NKAIN3: variants seen among roughly 807,000 people sequenced by gnomAD.
The protein encoded by NKAIN3 is sodium/potassium-transporting ATPase subunit beta-1-interacting protein 3.
In NKAIN3, 25 loss-of-function variants were observed where a neutral mutation model predicts 30.2. The observed-to-expected ratio is 0.83, with a 90% confidence interval of 0.60 to 1.16. NKAIN3 has a LOEUF of 1.16. NKAIN3 is among the 50% of genes most tolerant of loss of function. NKAIN3 has a pLI of 0.00. For missense variants in NKAIN3, 225 were observed against 254.1 expected (o/e 0.89, Z 0.78); for synonymous variants, 91 against 89.6 (o/e 1.02, Z -0.09).
At chr8:62,668,279 G>A (rs1020246827) in intron 3 of NKAIN3, among the ~76,000 whole-genome samples, 1 of 152,122 alleles carries the variant, frequency 6.6e-6, no homozygotes, top group African/African-American at 2.4e-5. Flanking sequence ...TGCATCCCCA[G>A]TGCCTAGAAC....
Position 62,898,447 on chromosome 8 carries a change from G to T in NKAIN3, c.472-20006G>T, listed in dbSNP as rs369439795. On this transcript the variant is annotated intron_variant, in intron 4 of 6. Transcript: ENST00000623646. ...ATGGAACTTGAGACCATTATTCAAA[G>T]TAATTCAGGAGTGAAAAACCAAATA... Among the ~76,000 whole-genome samples the T allele has an allele frequency of 2.0e-5, 3 of 152,208 alleles. No homozygotes were observed. The East Asian group carries it at 5.8e-4, about 29-fold the overall frequency.
chr8:62,858,179 TCA>T (rs772237273), intron 4 of NKAIN3, among the ~76,000 whole-genome samples: 2 of 152,162 alleles, frequency 1.3e-5, no homozygotes, highest in Non-Finnish European at 2.9e-5. Flanking sequence ...CCTGGAGGTA[TCA>T]CCACCGAAGT....
intron 3 of NKAIN3, among the ~76,000 whole-genome samples, chr8:62,607,880 T>C (rs1237086093): frequency 6.6e-6 from 1 of 152,174 alleles, no homozygotes; most frequent in African/African-American, 2.4e-5. Context: ...AATAGGCTTT[T>C]TGTATACGTT....
At chr8:62,941,183 C>T (rs1021307675) in intron 5 of NKAIN3, among the ~76,000 whole-genome samples, 2 of 151,952 alleles carry the variant, frequency 1.3e-5, no homozygotes, top group African/African-American at 4.8e-5. Context: ...ATATGCAACC[C>T]TCCTAGATTA....
At chr8:62,352,873 T>G (rs1480112214) in intron 1 of NKAIN3, among the ~76,000 whole-genome samples, 1 of 152,146 alleles carries the variant, frequency 6.6e-6, no homozygotes, top group East Asian at 1.9e-4. Context: ...GAAGAAATAT[T>G]AGGTACCACA....
intron 1 of NKAIN3, among the ~76,000 whole-genome samples, chr8:62,578,663 GTT>G (rs71255349): frequency 6.6e-6 from 1 of 151,448 alleles, no homozygotes; most frequent in Admixed American, 6.6e-5. Context: ...TTTGTTTTTT[GTT>G]TTTTTTCCAA....
intron 1 of NKAIN3, among the ~76,000 whole-genome samples, chr8:62,259,213 TAAAA>T (rs1393406269): frequency 6.6e-6 from 1 of 152,168 alleles, no homozygotes; most frequent in African/African-American, 2.4e-5. Context: ...AATGAGAAGT[TAAAA>T]AGAAAACCAC....
At chr8:62,646,624 C>A (rs1196730928) in intron 3 of NKAIN3, among the ~76,000 whole-genome samples, 1 of 152,070 alleles carries the variant, frequency 6.6e-6, no homozygotes. Flanking sequence ...GATTTCTTTG[C>A]AAATCTATTC....
At chr8:62,431,391 A>C (rs1358893193) in intron 1 of NKAIN3, among the ~76,000 whole-genome samples, 1 of 151,918 alleles carries the variant, frequency 6.6e-6, no homozygotes, top group Non-Finnish European at 1.5e-5. Context: ...TTGTTTTTAC[A>C]ATAAACATAT....
chr8:62,440,014 C>T (rs1406112536), intron 1 of NKAIN3, among the ~76,000 whole-genome samples: 1 of 152,136 alleles, frequency 6.6e-6, no homozygotes, highest in Non-Finnish European at 1.5e-5. Context: ...ATTCAGGACC[C>T]ACTTTTTCAT....
chr8:62,749,679 CTT>C lies in NKAIN3; in HGVS notation c.471+2569_471+2570del, dbSNP rs35908903. Among the ~76,000 whole-genome samples, 664 of 97,262 alleles carry C rather than the reference CTT, an allele frequency of 6.8e-3. 6 individuals carry two copies. The highest frequency in any genetic ancestry group is 9.5e-3 in the Non-Finnish European group (469 of 49,508). The allele number at this position is 97,262 out of a possible 152,430, so 63.8% of individuals were successfully genotyped here. ...TATTAGAATTGTGCTTTTTTCTTTT[CTT>C]TTTTTTTTTTTTTTTTTTAAGACGG... On this transcript the variant is annotated intron_variant, in intron 4 of 6. Transcript: ENST00000623646.
intron 3 of NKAIN3, among the ~76,000 whole-genome samples, chr8:62,689,097 A>G (rs1813884026): frequency 2.6e-5 from 4 of 152,202 alleles, no homozygotes. Context: ...GAGAAGGAAA[A>G]TAAGTTTTAA....
chr8:62,691,956 G>T (rs1229358183), intron 3 of NKAIN3, among the ~76,000 whole-genome samples: 1 of 152,220 alleles, frequency 6.6e-6, no homozygotes, highest in Non-Finnish European at 1.5e-5. Flanking sequence ...CTTCAGGTTA[G>T]GCAGGCAGCT....
In NKAIN3 at chr8:62,755,993, T is replaced by C. The variant is rs980617709; in HGVS notation, c.471+8864T>C. ...TTGGGGCCTGGAACTGTCCATTTAGTGAGCTGTGATTTTAAATCACTTCAT... is the reference window on the plus strand; with the variant it reads ...TTGGGGCCTGGAACTGTCCATTTAGCGAGCTGTGATTTTAAATCACTTCAT... On this transcript the variant is annotated intron_variant, in intron 4 of 6. Coordinates refer to ENST00000623646, the MANE Select transcript of NKAIN3 (RefSeq NM_001304533.3). 2.0e-4 allele frequency among the ~76,000 whole-genome samples: 31 copies of C among 152,192 alleles called. 4 individuals are homozygous for C. The highest frequency in any genetic ancestry group is 1.9e-3 in the Admixed American group (29 of 15,284).
rs192475569 is a variant in NKAIN3 at position 62,467,400 on chromosome 8, G to A, written c.55-112139G>A. The stretch of plus-strand genomic sequence containing the variant: ...TTATGAAAACAAAGGTACAACACCT[G>A]TAAAGTCCTATAGCTAATTTAAATT... On this transcript the variant is annotated intron_variant, in intron 1 of 6. Coordinates refer to ENST00000623646, the MANE Select transcript of NKAIN3 (RefSeq NM_001304533.3). 2.3e-4 allele frequency among the ~76,000 whole-genome samples: 35 copies of A among 152,288 alleles called. No homozygotes were observed. The East Asian group carries it at 6.0e-3, about 26-fold the overall frequency.
intron 4 of NKAIN3, among the ~76,000 whole-genome samples, chr8:62,858,711 C>T (rs1051025100): frequency 6.6e-6 from 1 of 152,024 alleles, no homozygotes; most frequent in Non-Finnish European, 1.5e-5. Flanking sequence ...AGTCCACAGG[C>T]TGGAACAGCT....
intron 1 of NKAIN3, among the ~76,000 whole-genome samples, chr8:62,414,660 C>T (rs1804374184): frequency 1.3e-5 from 2 of 152,004 alleles, no homozygotes; most frequent in African/African-American, 4.8e-5. Context: ...GAGTTGGGTA[C>T]AGGTAAAAAG....
At chr8:62,249,580 G>A (rs1234404016) in intron 1 of NKAIN3, among the ~76,000 whole-genome samples, 8 of 152,254 alleles carry the variant, frequency 5.3e-5, no homozygotes, top group Admixed American at 3.3e-4. Flanking sequence ...GTTCTGAGGA[G>A]ACAGAAGCTG....
Position 62,946,934 on chromosome 8 carries a change from C to T in NKAIN3, c.533-6968C>T, listed in dbSNP as rs558168239. On this transcript the variant is annotated intron_variant, in intron 5 of 6. Transcript: ENST00000623646. ...TAGCTGGAACAAAACAAAACGCCTA[C>T]GTTCTGGTTAATTATTTGCTGAATA... 3.9e-5 allele frequency among the ~76,000 whole-genome samples: 6 copies of T among 152,256 alleles called. No homozygotes were observed. The East Asian group carries it at 7.7e-4, about 20-fold the overall frequency.
Sources: allele counts gnomAD v4.1 joint callset (sites outside exome capture counted in the v4.1 genomes callset), GRCh38; gene constraint gnomAD v4.1.1; transcripts MANE v1.5; gene names NCBI Gene and HGNC (gene_info 2026-07-23, HGNC 2026-07-21).